Variants in RPL19 observed in about 807,000 individuals in gnomAD.
RPL19 encodes ribosomal protein L19, also known as large ribosomal subunit protein eL19.
In RPL19, 2 loss-of-function variants were observed where a neutral mutation model predicts 25.1. That is an observed-to-expected ratio of 0.08 (90% CI 0.03 to 0.25). The LOEUF (loss-of-function observed/expected upper bound fraction) is 0.25, where lower values mean the gene tolerates loss of function less well. Ranked by LOEUF, RPL19 falls within the 10% of genes least tolerant of loss-of-function variation. The pLI, the probability that RPL19 is intolerant of heterozygous loss-of-function variation, is 1.00. For missense variants in RPL19, 123 were observed against 271.8 expected, an observed-to-expected ratio of 0.45 and a Z score of 3.85; for synonymous variants, 89 against 91.2, an observed-to-expected ratio of 0.98 and a Z score of 0.14.
At chr17:39,201,845 T>G (rs1311442617) in intron 2 of RPL19, among the ~76,000 whole-genome samples, 1 of 152,176 alleles carries the variant, frequency 6.6e-6, no homozygotes, top group African/African-American at 2.4e-5. Context: ...GTGCTGGGAT[T>G]ATCGACGTGA....
rs777990006 is a variant in RPL19, at chr17:39,204,537, G to A, written c.480G>A (p.Glu160=). The A allele has an allele frequency of 1.2e-6, 2 of 1,614,190 alleles. No homozygotes were observed. The highest frequency in any genetic ancestry group is 1.7e-6 in the Non-Finnish European group (2 of 1,180,028). ...CTTCCCTGACCAGTGACCAGGCTGA[G>A]GCCCGCAGGTCTAAGACCAAGGAAG... is the stretch of plus-strand genomic sequence containing the variant. The part of the protein sequence containing the change: ...ARKKLLADQA[E]ARRSKTKEAR... Residue 160 remains glutamate, a synonymous_variant, in exon 6 of 6, where the codon GAG becomes GAA. Coordinates refer to ENST00000225430, the MANE Select transcript of RPL19 (RefSeq NM_000981.4).
chr17:39,203,123 C>T lies in RPL19; in HGVS notation c.356+14C>T. On this transcript the variant is annotated intron_variant, in intron 4 of 5. Coordinates refer to ENST00000225430, the MANE Select transcript of RPL19 (RefSeq NM_000981.4). ...CGATCGCCACATGTAAGCACACCCT[C>T]TTGGGCCCAGTACCCATTTGCTGCT... 1 of 1,603,068 alleles carries T rather than the reference C, an allele frequency of 6.2e-7. No individual in the cohort carries two copies. Among genetic ancestry groups the T allele is most frequent in the Non-Finnish European group, 8.5e-7 (1 of 1,173,984 alleles).
At position 39,204,703 on chromosome 17, in the gene RPL19, T is replaced by TA; in HGVS notation, c.*59dup. ...CTCTGTGATTACATAGATCAGCCAT[T>TA]AAAATAAAACAAGCCTTAATCTGCC... On this transcript the variant is annotated 3_prime_UTR_variant, in exon 6 of 6. Transcript: ENST00000225430. 1 of 1,566,476 alleles carries TA rather than the reference T, an allele frequency of 6.4e-7. No individual in the cohort carries two copies. The highest frequency in any genetic ancestry group is 8.7e-7 in the Non-Finnish European group (1 of 1,146,998).
chr17:39,200,419 G>A lies in RPL19; in HGVS notation c.5+70G>A, dbSNP rs2046277827. 3.4e-6 allele frequency: 5 copies of A among 1,452,456 alleles called. No individual in the cohort carries two copies. The Admixed American group carries it at 8.2e-5, about 24-fold the overall frequency. 90.0% of individuals were successfully genotyped at this position (1,452,456 alleles called of 1,614,324 possible). On this transcript the variant is annotated intron_variant, in intron 1 of 5. Transcript: ENST00000225430. ...AGGGACTGTCGGTCTTGGGACCGCA[G>A]CTGGGGTTGGGGGAGATGAAATGGA... is the stretch of plus-strand genomic sequence containing the variant.
intron 1 of RPL19, chr17:39,200,561 G>T (rs2046279411): frequency 7.7e-7 from 1 of 1,296,204 alleles, no homozygotes; most frequent in East Asian, 3.1e-5. Flanking sequence ...GGAAAAGTCT[G>T]CCCCGGCTGG....
Position 39,201,200 on chromosome 17 carries a change from T to C in RPL19, c.6-13T>C, listed in dbSNP as rs2046285659. On this transcript the variant is annotated splice_polypyrimidine_tract_variant and intron_variant, in intron 1 of 5. Transcript: ENST00000225430. ...TGGCTTTCAGAGTCTAATCATGTTT[T>C]CTGTGTGTCTAGTATGCTCAGGCTT... 1.3e-6 allele frequency: 2 copies of C among 1,575,222 alleles called. No individual in the cohort carries two copies. The highest frequency in any genetic ancestry group is 1.4e-5 in the African/African-American group (1 of 73,542).
rs1367132095 is a variant in RPL19 at position 39,201,358 on chromosome 17, C to T, written c.112+39C>T. On this transcript the variant is annotated intron_variant, in intron 2 of 5. Coordinates refer to ENST00000225430, the MANE Select transcript of RPL19 (RefSeq NM_000981.4). ...ATCTGTCTCTTCACCCTACTTCCTT[C>T]TTTTCTCCTGCGTCAGATTAATGAT... 4 of 1,131,988 alleles carry T rather than the reference C, an allele frequency of 3.5e-6. No homozygotes were observed. The Admixed American group carries it at 7.7e-5, about 22-fold the overall frequency. The allele number at this position is 1,131,988 out of a possible 1,614,324, so 70.1% of individuals were successfully genotyped here.
At chr17:39,203,353 T>C (rs1371018086) in intron 4 of RPL19, among the ~76,000 whole-genome samples, 1 of 151,828 alleles carries the variant, frequency 6.6e-6, no homozygotes, top group Non-Finnish European at 1.5e-5. Flanking sequence ...GGCTAATTTT[T>C]TGCATTTTTA....
chr17:39,201,093 T>A, intron 1 of RPL19, 120 bp from the exon 2 acceptor site: 7 of 723,902 alleles, frequency 9.7e-6, no homozygotes, highest in Non-Finnish European at 1.7e-5. Flanking sequence ...TAAAGATGAT[T>A]TAGGGAAGAG....
In RPL19 at chr17:39,200,328, C is replaced by T. The variant is rs779293494; in HGVS notation, c.-17C>T. 6.4e-7 allele frequency: 1 copy of T among 1,555,170 alleles called. No homozygotes were observed. The highest frequency in any genetic ancestry group is 2.4e-5 in the East Asian group (1 of 41,822). On this transcript the variant is annotated 5_prime_UTR_variant, in exon 1 of 6. Transcript: ENST00000225430. ...GGCCCGAGCGAGCTCTTTCCTTTCG[C>T]TGCTGCGGCCGCAGCCATGAGGTGA...
At chr17:39,203,722 G>A (rs2046306001) in intron 4 of RPL19, among the ~76,000 whole-genome samples, 1 of 151,130 alleles carries the variant, frequency 6.6e-6, no homozygotes, top group South Asian at 2.1e-4. Context: ...GGCCAGGCTG[G>A]TCTCGAACTC....
At chr17:39,201,387 A>C in intron 2 of RPL19, 68 bp downstream of exon 2, 5 of 941,196 alleles carry the variant, frequency 5.3e-6, no homozygotes, top group Non-Finnish European at 8.3e-6. Flanking sequence ...TAATGATAAC[A>C]CAATTGTGTT....
In RPL19 at chr17:39,202,219, G is replaced by A; in HGVS notation, c.113-98G>A. 2.1e-6 allele frequency: 3 copies of A among 1,452,212 alleles called. 1 individual carries two copies. Among genetic ancestry groups the A allele is most frequent in the Non-Finnish European group, 2.9e-6 (3 of 1,051,102 alleles). 90.0% of individuals were successfully genotyped at this position (1,452,212 alleles called of 1,614,324 possible). A position where few individuals can be genotyped will look rare whatever the true frequency, so the allele number is the denominator to read the frequency against. The stretch of plus-strand genomic sequence containing the variant: ...TGTTTCCATCCTTTTTGAGACCGTG[G>A]GGCCAAGAATGTGAGCAGTGTCTCT... On this transcript the variant is annotated intron_variant, in intron 2 of 5. Coordinates refer to ENST00000225430, the MANE Select transcript of RPL19 (RefSeq NM_000981.4).
At chr17:39,202,861 A>C in intron 3 of RPL19, 128 bp from the exon 4 acceptor site, 1 of 1,024,922 alleles carries the variant, frequency 9.8e-7, no homozygotes, top group Non-Finnish European at 1.5e-6. Context: ...AATGGAAGTA[A>C]TGCTACTTAA....
At chr17:39,203,494 C>CT (rs2046304696) in intron 4 of RPL19, among the ~76,000 whole-genome samples, 1 of 148,190 alleles carries the variant, frequency 6.7e-6, no homozygotes, top group Non-Finnish European at 1.5e-5. Flanking sequence ...AGAGATCTGT[C>CT]TTACTGGCCT....
rs774175330 is a variant in RPL19 at position 39,200,344 on chromosome 17, C to A, written c.-1C>A. 3.8e-6 allele frequency: 6 copies of A among 1,565,958 alleles called. No homozygotes were observed. Among genetic ancestry groups the A allele is most frequent in the Non-Finnish European group, 5.2e-6 (6 of 1,158,518 alleles). On this transcript the variant is annotated 5_prime_UTR_variant, in exon 1 of 6. Transcript: ENST00000225430. ...TTCCTTTCGCTGCTGCGGCCGCAGC[C>A]ATGAGGTGAGGGCGAGCTGGTCTCC... is the stretch of plus-strand genomic sequence containing the variant.
At chr17:39,200,715 A>G in intron 1 of RPL19, 1 of 1,074,960 alleles carries the variant, frequency 9.3e-7, no homozygotes, top group Non-Finnish European at 1.1e-6. Context: ...AGCCTAGTGT[A>G]GGCCCCAGGC....
At chr17:39,200,667 G>T in intron 1 of RPL19, 1 of 1,132,994 alleles carries the variant, frequency 8.8e-7, no homozygotes, top group Non-Finnish European at 1.1e-6. Flanking sequence ...GGCACACCCG[G>T]AGCGGAGCCG....
chr17:39,202,099 C>T (rs148504135), intron 2 of RPL19, among the ~76,000 whole-genome samples: 2 of 152,258 alleles, frequency 1.3e-5, no homozygotes, highest in Non-Finnish European at 2.9e-5. Flanking sequence ...GAGACTGTCT[C>T]AAAGACAAAG....
Sources: allele counts gnomAD v4.1 joint callset (sites outside exome capture counted in the v4.1 genomes callset), GRCh38; gene constraint gnomAD v4.1.1; transcripts MANE v1.5; gene names NCBI Gene and HGNC (gene_info 2026-07-23, HGNC 2026-07-21).